POLB: variants seen among roughly 807,000 people sequenced by gnomAD.
The protein encoded by POLB is DNA polymerase beta, also known as 5'-dRP lyase.
Under a neutral mutation model 52.7 loss-of-function variants are expected in POLB, and 37 were observed. The ratio of observed to expected loss-of-function variants is 0.70; its 90% confidence interval spans 0.54 to 0.92. The LOEUF is 0.92. POLB is among the 40% of genes least tolerant of loss of function. The probability of loss-of-function intolerance (pLI) is 0.00; values close to 1 mark genes in which losing one functional copy is unlikely to be tolerated. For missense variants in POLB, 313 were observed against 400.8 expected (o/e 0.78, Z 1.87); for synonymous variants, 138 against 131.3 (o/e 1.05, Z -0.35).
chr8:42,361,991 G>A (rs1217569007), intron 10 of POLB, among the ~76,000 whole-genome samples: 1 of 152,162 alleles, frequency 6.6e-6, no homozygotes, highest in Non-Finnish European at 1.5e-5. Context: ...GGCCGGGCAC[G>A]GTGGCTCATG....
At chr8:42,364,037 C>T (rs1405204914) in intron 11 of POLB, among the ~76,000 whole-genome samples, 4 of 151,650 alleles carry the variant, frequency 2.6e-5, no homozygotes, top group Non-Finnish European at 4.4e-5. Context: ...AGCAGTTCTC[C>T]TGCCTCACCC....
rs1374214614 is a variant in POLB at position 42,357,405 on chromosome 8, C to G, written c.550+13C>G. 5 of 1,431,844 alleles carry G rather than the reference C, an allele frequency of 3.5e-6. No individual in the cohort carries two copies. Among genetic ancestry groups the G allele is most frequent in the Non-Finnish European group, 4.9e-6 (5 of 1,021,224 alleles). 88.7% of individuals were successfully genotyped at this position (1,431,844 alleles called of 1,614,324 possible). A position where few individuals can be genotyped will look rare whatever the true frequency, so the allele number is the denominator to read the frequency against. On this transcript the variant is annotated intron_variant, in intron 9 of 13. Transcript: ENST00000265421. ...AGTTTCAGAAGAGGTAACATACTTC[C>G]TAATCTTGGGTTATTTTTGCCCTGA... is the stretch of plus-strand genomic sequence containing the variant.
intron 2 of POLB, chr8:42,342,064 G>A: frequency 1.1e-6 from 1 of 904,168 alleles, no homozygotes; most frequent in Non-Finnish European, 1.8e-6. Flanking sequence ...TGTGCTTCTG[G>A]TGTAATTCTG....
At chr8:42,353,890 A>T (rs1348033513) in intron 6 of POLB, among the ~76,000 whole-genome samples, 1 of 152,222 alleles carries the variant, frequency 6.6e-6, no homozygotes, top group African/African-American at 2.4e-5. Context: ...ACCTAGTACT[A>T]CTTAAAAATG....
At chr8:42,348,750 C>T (rs1172579257) in intron 3 of POLB, among the ~76,000 whole-genome samples, 3 of 152,140 alleles carry the variant, frequency 2.0e-5, no homozygotes, top group African/African-American at 7.2e-5. Context: ...TGCATTTATA[C>T]AATGATATAC....
At chr8:42,341,976 A>T in intron 2 of POLB, 2 of 740,582 alleles carry the variant, frequency 2.7e-6, no homozygotes, top group Non-Finnish European at 5.0e-6. Context: ...TTCTTTATGT[A>T]TTGAGAGAAC....
chr8:42,352,479 A>G (rs1229228078), intron 5 of POLB, 40 bp from the exon 6 acceptor site: 7 of 1,372,192 alleles, frequency 5.1e-6, no homozygotes, highest in Admixed American at 3.4e-5. Flanking sequence ...AAGGATCCCA[A>G]GTTTCACCCA....
At chr8:42,367,154 A>G (rs1457032473) in intron 11 of POLB, among the ~76,000 whole-genome samples, 1 of 152,224 alleles carries the variant, frequency 6.6e-6, no homozygotes, top group Non-Finnish European at 1.5e-5. Context: ...CATTCCAGGC[A>G]CTGTTCTCGA....
intron 11 of POLB, among the ~76,000 whole-genome samples, chr8:42,368,371 G>A (rs1369729779): frequency 6.6e-6 from 1 of 152,168 alleles, no homozygotes; most frequent in Non-Finnish European, 1.5e-5. Flanking sequence ...TAAAGAATTA[G>A]TTTAGATTTT....
chr8:42,361,061 T>C (rs900629680), intron 9 of POLB: 1 of 666,370 alleles, frequency 1.5e-6, no homozygotes, highest in Non-Finnish European at 2.8e-6. Context: ...TTGTATGCAA[T>C]GTATATCTAA....
chr8:42,349,123 T>G (rs1430843442), intron 4 of POLB, 33 bp downstream of exon 4: 1 of 1,256,866 alleles, frequency 8.0e-7, no homozygotes, highest in African/African-American at 1.5e-5. Context: ...TCATTAATTA[T>G]AGTATCTGCC....
intron 3 of POLB, among the ~76,000 whole-genome samples, chr8:42,347,074 GA>G (rs1369357713): frequency 6.6e-6 from 1 of 151,990 alleles, no homozygotes; most frequent in Non-Finnish European, 1.5e-5. Flanking sequence ...ATTTCTTAGA[GA>G]AAAACTGAAA....
intron 9 of POLB, among the ~76,000 whole-genome samples, chr8:42,358,457 A>C (rs926078402): frequency 6.6e-6 from 1 of 152,124 alleles, no homozygotes; most frequent in East Asian, 1.9e-4. Context: ...AGCCGAGATC[A>C]AGCCGCTGCA....
chr8:42,371,519 A>G (rs1010546809), intron 13 of POLB, 44 bp from the exon 14 acceptor site: 2 of 1,183,516 alleles, frequency 1.7e-6, no homozygotes, highest in Non-Finnish European at 1.2e-6. Flanking sequence ...TAACTAAACT[A>G]TAAAACTGGT....
rs1295708029 is a variant in POLB at position 42,344,182 on chromosome 8, GCCTGTAATCCTAGCTGGTTCACA to G, written c.120-755_120-733del. Among the ~76,000 whole-genome samples, 219 of 144,834 alleles carry G rather than the reference GCCTGTAATCCTAGCTGGTTCACA, an allele frequency of 1.5e-3. 1 individual carries two copies. Among genetic ancestry groups the G allele is most frequent in the African/African-American group, 4.3e-3 (168 of 39,246 alleles). ...AAAGTGGCCGGGAGTGGTGGTTCACGCCTGTAATCCTAGCTGGTTCACACCTGTAATCCTAGCTTTCTTTGGGA... is the reference window on the plus strand; with the variant it reads ...AAAGTGGCCGGGAGTGGTGGTTCACGCCTGTAATCCTAGCTTTCTTTGGGA... On this transcript the variant is annotated intron_variant, in intron 2 of 13. Coordinates refer to ENST00000265421, the MANE Select transcript of POLB (RefSeq NM_002690.3).
chr8:42,359,295 CT>C (rs1823526097), intron 9 of POLB, among the ~76,000 whole-genome samples: 1 of 152,036 alleles, frequency 6.6e-6, no homozygotes, highest in South Asian at 2.1e-4. Flanking sequence ...CTATACCTTG[CT>C]TTTTTCACTT....
At chr8:42,338,778 A>C in intron 1 of POLB, 93 bp downstream of exon 1, 1 of 1,291,946 alleles carries the variant, frequency 7.7e-7, no homozygotes, top group Non-Finnish European at 1.1e-6. Context: ...TCCAGTGGGT[A>C]GGGTAGGTTC....
At chr8:42,339,498 C>G (rs1259039051) in intron 2 of POLB, 1 of 175,078 alleles carries the variant, frequency 5.7e-6, no homozygotes, top group Non-Finnish European at 1.2e-5. Context: ...CCTTGTTCAT[C>G]TCACCAGGGG....
rs561574113 is a variant in POLB at position 42,361,973 on chromosome 8, A to C, written c.621+608A>C. ...GTACTTGCTCAGAACATTAGAAAAC[A>C]TAGAGATGGCCGGGCACGGTGGCTC... On this transcript the variant is annotated intron_variant, in intron 10 of 13. Coordinates refer to ENST00000265421, the MANE Select transcript of POLB (RefSeq NM_002690.3). Among the ~76,000 whole-genome samples, 3 of 152,340 alleles carry C rather than the reference A, an allele frequency of 2.0e-5. No homozygotes were observed. In the East Asian group the frequency reaches 5.8e-4, roughly 29 times the overall value.
Sources: gnomAD v4.1 joint callset for allele counts (sites outside exome capture counted in the v4.1 genomes callset) on GRCh38, gnomAD v4.1.1 for gene constraint, MANE v1.5 for transcripts, NCBI Gene and HGNC (gene_info 2026-07-23, HGNC 2026-07-21) for gene names.